Variants in AP3B1 observed in about 807,000 individuals in gnomAD.
AP3B1 encodes adaptor related protein complex 3 subunit beta 1, also known as AP-3 complex subunit beta-1.
In AP3B1, 61 loss-of-function variants were observed where a neutral mutation model predicts 132.5. That is an observed-to-expected ratio of 0.46 (90% CI 0.37 to 0.57). The LOEUF (loss-of-function observed/expected upper bound fraction) is 0.57, where lower values mean the gene tolerates loss of function less well. Ranked by LOEUF, AP3B1 falls within the 20% of genes least tolerant of loss-of-function variation. The pLI is 0.00. For synonymous variants in AP3B1, 388 were observed against 438.3 expected, an observed-to-expected ratio of 0.89 and a Z score of 1.43; for missense variants, 1,120 against 1,289.4, an observed-to-expected ratio of 0.87 and a Z score of 2.01.
intron 22 of AP3B1, among the ~76,000 whole-genome samples, chr5:78,079,253 C>T (rs964719248): frequency 2.0e-5 from 3 of 152,090 alleles, no homozygotes; most frequent in Admixed American, 6.5e-5. Flanking sequence ...TGAAATATTT[C>T]TATTTCATTA....
intron 8 of AP3B1, among the ~76,000 whole-genome samples, chr5:78,181,084 T>A (rs1744347173): frequency 6.6e-6 from 1 of 152,028 alleles, no homozygotes. Flanking sequence ...TAATACCAGA[T>A]CAAGTACCCC....
intron 6 of AP3B1, among the ~76,000 whole-genome samples, chr5:78,219,395 C>T (rs548314378): frequency 1.4e-4 from 21 of 151,882 alleles, no homozygotes; most frequent in South Asian, 6.3e-4. Flanking sequence ...TAAATTCATA[C>T]GTGAACATTA....
intron 22 of AP3B1, among the ~76,000 whole-genome samples, chr5:78,049,040 A>T (rs1482226001): frequency 6.6e-6 from 1 of 152,192 alleles, no homozygotes; most frequent in African/African-American, 2.4e-5. Context: ...AAACAGTCAA[A>T]CTATCAATTT....
At chr5:78,158,568 C>CTTA (rs1291795869) in intron 13 of AP3B1, among the ~76,000 whole-genome samples, 3 of 151,876 alleles carry the variant, frequency 2.0e-5, no homozygotes, top group Admixed American at 6.6e-5. Context: ...AAGTAGGTAC[C>CTTA]TTATTATTAT....
chr5:78,292,227 G>A (rs950270663), intron 1 of AP3B1, among the ~76,000 whole-genome samples: 4 of 152,012 alleles, frequency 2.6e-5, no homozygotes, highest in Non-Finnish European at 4.4e-5. Context: ...GTAATATTAC[G>A]GTTTTATAAA....
rs1174085251 is a variant in AP3B1, at chr5:78,201,607, GTTAAA to G, written c.786+14443_786+14447del. Among the ~76,000 whole-genome samples the G allele has an allele frequency of 3.3e-5, 5 of 152,156 alleles. No individual in the cohort carries two copies. The South Asian group carries it at 6.2e-4, about 19-fold the overall frequency. On this transcript the variant is annotated intron_variant, in intron 7 of 26. Coordinates refer to ENST00000255194, the MANE Select transcript of AP3B1 (RefSeq NM_003664.5). Reference sequence around the variant, plus strand: ...CTAATTATATTAAGCTCTACAACAAGTTAAATTAATCTTTGTTATCAGTAAACAAT... The same window carrying G: ...CTAATTATATTAAGCTCTACAACAAGTTAATCTTTGTTATCAGTAAACAAT...
At chr5:78,134,149 CAAAAAA>C (rs397961933) in intron 15 of AP3B1, among the ~76,000 whole-genome samples, 3 of 74,208 alleles carry the variant, frequency 4.0e-5, no homozygotes, top group Non-Finnish European at 7.8e-5. Context: ...AGACTCGCCT[CAAAAAA>C]AAAAAAAAAA....
intron 26 of AP3B1, among the ~76,000 whole-genome samples, chr5:78,004,864 C>T (rs1746325926): frequency 1.3e-5 from 2 of 152,120 alleles, no homozygotes; most frequent in Admixed American, 1.3e-4. Context: ...TTTTTATAAA[C>T]CTCTTAACAC....
At chr5:78,015,365 T>C (rs1220128740) in intron 26 of AP3B1, 45 bp downstream of exon 26, 3 of 1,592,936 alleles carry the variant, frequency 1.9e-6, no homozygotes, top group East Asian at 2.2e-5. Context: ...TATTTATACA[T>C]ATTCAAGTCA....
At chr5:78,175,422 G>T (rs1480105368) in intron 11 of AP3B1, among the ~76,000 whole-genome samples, 1 of 152,128 alleles carries the variant, frequency 6.6e-6, no homozygotes, top group East Asian at 1.9e-4. Context: ...CAAGTTGTAG[G>T]TAGCATGGCT....
At chr5:78,280,974 T>TA (rs1421923371) in intron 1 of AP3B1, among the ~76,000 whole-genome samples, 2 of 143,324 alleles carry the variant, frequency 1.4e-5, no homozygotes, top group Admixed American at 1.4e-4. Context: ...ATGTGTTTTT[T>TA]ACCACAATTT....
intron 17 of AP3B1, 97 bp downstream of exon 17, chr5:78,127,933 A>C (rs1752530095): frequency 2.1e-6 from 3 of 1,436,356 alleles, no homozygotes; most frequent in Non-Finnish European, 9.7e-7. Context: ...AACAATTTTC[A>C]ATTTTCAACT....
chr5:78,059,703 G>A (rs910520861), intron 22 of AP3B1, among the ~76,000 whole-genome samples: 3 of 152,014 alleles, frequency 2.0e-5, no homozygotes, highest in Admixed American at 6.6e-5. Context: ...TTCAATAAGC[G>A]CCATGGGTTG....
At chr5:78,247,230 T>G (rs1184300522) in intron 2 of AP3B1, among the ~76,000 whole-genome samples, 1 of 150,064 alleles carries the variant, frequency 6.7e-6, no homozygotes, top group Non-Finnish European at 1.5e-5. Flanking sequence ...TTGTGTTTTA[T>G]GGCCCAGAAT....
At chr5:78,058,282 G>A (rs1748899297) in intron 22 of AP3B1, among the ~76,000 whole-genome samples, 4 of 152,100 alleles carry the variant, frequency 2.6e-5, no homozygotes, top group African/African-American at 2.4e-5. Flanking sequence ...TGGGCAGATC[G>A]CGAGGTCAGC....
At chr5:78,004,098 G>A (rs191821088) in intron 26 of AP3B1, among the ~76,000 whole-genome samples, 156 of 152,270 alleles carry the variant, frequency 1.0e-3, no homozygotes, top group African/African-American at 3.6e-3. Context: ...ACCCCACTTT[G>A]CAGGGCCAAT....
chr5:78,090,726 A>G (rs969314051), intron 21 of AP3B1, among the ~76,000 whole-genome samples: 2 of 152,250 alleles, frequency 1.3e-5, no homozygotes, highest in African/African-American at 2.4e-5. Flanking sequence ...ATACATTACA[A>G]TGTGGTCAAG....
chr5:78,121,374 A>G (rs1752184532), intron 17 of AP3B1, among the ~76,000 whole-genome samples: 1 of 152,198 alleles, frequency 6.6e-6, no homozygotes, highest in South Asian at 2.1e-4. Context: ...AGAGACAGAA[A>G]AAACCCTTCA....
intron 2 of AP3B1, among the ~76,000 whole-genome samples, chr5:78,254,990 C>T (rs1054483514): frequency 6.6e-6 from 1 of 151,930 alleles, no homozygotes; most frequent in African/African-American, 2.4e-5. Context: ...TTTCTTTTTG[C>T]TTGTTTGTTT....
Sources: allele counts gnomAD v4.1 joint callset (sites outside exome capture counted in the v4.1 genomes callset), GRCh38; gene constraint gnomAD v4.1.1; transcripts MANE v1.5; gene names NCBI Gene and HGNC (gene_info 2026-07-23, HGNC 2026-07-21).